Variants in TMED10 observed in about 807,000 individuals in gnomAD.
The protein encoded by TMED10 is transmembrane emp24 domain-containing protein 10.
TMED10 carries 7 observed loss-of-function variants against 23.1 expected under a neutral mutation model. That is an observed-to-expected ratio of 0.30 (90% confidence interval 0.17 to 0.57). The LOEUF (loss-of-function observed/expected upper bound fraction) is 0.57, where lower values mean the gene tolerates loss of function less well. Among genes scored for constraint, TMED10 ranks in the 20% least tolerant of loss-of-function variants. TMED10 has a pLI of 0.91. For missense variants in TMED10, 162 were observed against 274.8 expected (o/e 0.59, Z 2.90); for synonymous variants, 113 against 106.9 (o/e 1.06, Z -0.35).
At chr14:75,137,527 T>A (rs77715189) in intron 3 of TMED10, among the ~76,000 whole-genome samples, 1 of 146,188 alleles carries the variant, frequency 6.8e-6, no homozygotes, top group Non-Finnish European at 1.5e-5. Flanking sequence ...AAAAAAAAAA[T>A]AGCTGGGCGT....
intron 3 of TMED10, among the ~76,000 whole-genome samples, chr14:75,145,184 C>T (rs929115318): frequency 1.3e-5 from 2 of 152,094 alleles, no homozygotes; most frequent in African/African-American, 4.8e-5. Flanking sequence ...TAACTACATG[C>T]GTAAAGGCAG....
chr14:75,140,264 C>G (rs1895805592), intron 3 of TMED10, among the ~76,000 whole-genome samples: 1 of 152,100 alleles, frequency 6.6e-6, no homozygotes, highest in Admixed American at 6.5e-5. Context: ...CCACGCCCAG[C>G]TAATTTTTGT....
chr14:75,171,979 C>T (rs139186968), intron 1 of TMED10, among the ~76,000 whole-genome samples: 9 of 150,904 alleles, frequency 6.0e-5, no homozygotes, highest in East Asian at 3.9e-4. Context: ...ATGTGCAGAA[C>T]GTGCAGGTTT....
intron 1 of TMED10, among the ~76,000 whole-genome samples, chr14:75,173,866 G>A (rs2139865582): frequency 6.6e-6 from 1 of 152,246 alleles, no homozygotes; most frequent in Non-Finnish European, 1.5e-5. Context: ...GGGTAGCTGG[G>A]ATTACAGGCA....
At chr14:75,162,122 A>G (rs1896093094) in intron 1 of TMED10, among the ~76,000 whole-genome samples, 1 of 152,108 alleles carries the variant, frequency 6.6e-6, no homozygotes, top group African/African-American at 2.4e-5. Context: ...AAAATTAGCC[A>G]GGCATGGTGG....
At chr14:75,152,415 T>G (rs2098297) in intron 1 of TMED10, among the ~76,000 whole-genome samples, 71,296 of 152,098 alleles carry the variant, frequency 0.47, 17,608 homozygotes, top group East Asian at 0.84. Context: ...TTAATCTAGC[T>G]AATGCTCCAA....
intron 2 of TMED10, among the ~76,000 whole-genome samples, chr14:75,150,129 A>G (rs1357139255): frequency 2.0e-5 from 3 of 152,180 alleles, no homozygotes; most frequent in African/African-American, 7.2e-5. Context: ...CTTCTTTTGG[A>G]TAGACTGGAA....
At chr14:75,171,281 A>ATT (rs377453522) in intron 1 of TMED10, among the ~76,000 whole-genome samples, 52 of 141,952 alleles carry the variant, frequency 3.7e-4, no homozygotes, top group Non-Finnish European at 4.8e-4. Flanking sequence ...ACTGGCTTTA[A>ATT]TTTTTTTTTT....
At chr14:75,152,250 C>A in intron 1 of TMED10, 107 bp from the exon 2 acceptor site, 2 of 837,706 alleles carry the variant, frequency 2.4e-6, no homozygotes, top group South Asian at 1.7e-5. Flanking sequence ...ATTGATAGTT[C>A]TCATTATGAT....
rs1331070372 is a variant in TMED10, at chr14:75,131,847, AAAGGG to A, written c.*3033_*3037del. The A allele has an allele frequency of 2.7e-4, 41 of 152,248 alleles. No homozygotes were observed. 9.4% of individuals were successfully genotyped at this position (152,248 alleles called of 1,614,324 possible). On this transcript the variant is annotated 3_prime_UTR_variant, in exon 5 of 5. Coordinates refer to ENST00000303575, the MANE Select transcript of TMED10 (RefSeq NM_006827.6). Reference sequence around the variant, plus strand: ...CCCAGTTGATAGTTTCGGCATGAGTAAAGGGAAGGGACATGAAAGAATGTCAACTC... The same window carrying A: ...CCCAGTTGATAGTTTCGGCATGAGTAAAGGGACATGAAAGAATGTCAACTC...
At position 75,149,512 on chromosome 14, in the gene TMED10, G is replaced by A. The variant is rs1005170106; in HGVS notation, c.338-1775C>T. 2.6e-5 allele frequency among the ~76,000 whole-genome samples: 4 copies of A among 152,234 alleles called. No individual in the cohort carries two copies. In the South Asian group the frequency reaches 8.3e-4, roughly 32 times the overall value. ...TGTTCTGTTATAGCAGCACAAAATG[G>A]ACTAAGCCAGGATACAATCCCTGCC... On this transcript the variant is annotated intron_variant, in intron 2 of 4. Coordinates refer to ENST00000303575, the MANE Select transcript of TMED10 (RefSeq NM_006827.6).
At chr14:75,170,333 A>G (rs1234608432) in intron 1 of TMED10, among the ~76,000 whole-genome samples, 1 of 152,222 alleles carries the variant, frequency 6.6e-6, no homozygotes, top group East Asian at 1.9e-4. Flanking sequence ...TGCATGGTAT[A>G]TTACATTTTC....
intron 1 of TMED10, among the ~76,000 whole-genome samples, chr14:75,164,558 TATATATATATATA>T (rs1566675188): frequency 2.0e-3 from 8 of 4,078 alleles, no homozygotes; most frequent in African/African-American, 3.4e-3. Flanking sequence ...TATATATATA[TATATATATATATA>T]TATATATTTT....
intron 3 of TMED10, among the ~76,000 whole-genome samples, chr14:75,142,734 C>A (rs1416911058): frequency 6.6e-6 from 1 of 152,178 alleles, no homozygotes; most frequent in Non-Finnish European, 1.5e-5. Flanking sequence ...TTGTAATTGA[C>A]CTGTTCTGCC....
chr14:75,133,268 T>TA lies in TMED10; in HGVS notation c.*1616dup, dbSNP rs1281034972. 6.6e-6 allele frequency: 1 copy of TA among 152,098 alleles called. No homozygotes were observed. Among genetic ancestry groups the TA allele is most frequent in the African/African-American group, 2.4e-5 (1 of 41,402 alleles). The allele number at this position is 152,098 out of a possible 1,614,324, so 9.4% of individuals were successfully genotyped here. A position where few individuals can be genotyped will look rare whatever the true frequency, so the allele number is the denominator to read the frequency against. On this transcript the variant is annotated 3_prime_UTR_variant, in exon 5 of 5. Coordinates refer to ENST00000303575, the MANE Select transcript of TMED10 (RefSeq NM_006827.6). Reference sequence around the variant, plus strand: ...ACAGAGGAATTTTATCTAGGATATATAAAAAACCTCTCAAAACTCAATAGT... The same window carrying TA: ...ACAGAGGAATTTTATCTAGGATATATAAAAAAACCTCTCAAAACTCAATAGT...
chr14:75,164,956 C>T (rs1468667116), intron 1 of TMED10, among the ~76,000 whole-genome samples: 2 of 151,920 alleles, frequency 1.3e-5, no homozygotes, highest in Admixed American at 6.6e-5. Flanking sequence ...AAAAGAGAGA[C>T]AGTAAGGAAT....
At chr14:75,171,067 G>C (rs1896227207) in intron 1 of TMED10, among the ~76,000 whole-genome samples, 1 of 152,122 alleles carries the variant, frequency 6.6e-6, no homozygotes, top group Non-Finnish European at 1.5e-5. Context: ...GTGCAGATGT[G>C]ATTAAATCAG....
intron 1 of TMED10, 133 bp downstream of exon 1, chr14:75,176,222 C>A: frequency 8.7e-7 from 1 of 1,143,474 alleles, no homozygotes; most frequent in Non-Finnish European, 1.2e-6. Flanking sequence ...CGGGCTCCAC[C>A]GCACGTCCTT....
At chr14:75,156,216 AG>A (rs1197893431) in intron 1 of TMED10, among the ~76,000 whole-genome samples, 1 of 152,206 alleles carries the variant, frequency 6.6e-6, no homozygotes, top group Non-Finnish European at 1.5e-5. Context: ...CCAGTACTCC[AG>A]GTAAGAAAGG....
Sources: allele counts gnomAD v4.1 joint callset (sites outside exome capture counted in the v4.1 genomes callset), GRCh38; gene constraint gnomAD v4.1.1; transcripts MANE v1.5; gene names NCBI Gene and HGNC (gene_info 2026-07-23, HGNC 2026-07-21).